COL6A6: variants seen among roughly 807,000 people sequenced by gnomAD.
COL6A6 encodes the protein collagen alpha-6(VI) chain.
A neutral mutation model predicts 208.6 loss-of-function variants in COL6A6; 183 were observed. The ratio of observed to expected loss-of-function variants is 0.88; its 90% CI spans 0.78 to 0.99. The LOEUF is 0.99. Ranked by LOEUF, COL6A6 falls within the 50% of genes least tolerant of loss-of-function variation. The probability of loss-of-function intolerance (pLI) is 0.00; values close to 1 mark genes in which losing one functional copy is unlikely to be tolerated. For missense variants in COL6A6, 2,816 were observed against 2,815.2 expected (o/e 1.00, Z -0.01); for synonymous variants, 973 against 1,011.8 (o/e 0.96, Z 0.73).
intron 1 of COL6A6, among the ~76,000 whole-genome samples, chr3:130,526,691 A>G (rs554527304): frequency 6.6e-6 from 1 of 152,238 alleles, no homozygotes; most frequent in South Asian, 2.1e-4. Context: ...TTGCTGATGG[A>G]TTGGCTCAGA....
At position 130,567,038 on chromosome 3, in the gene COL6A6, A is replaced by G. The variant is rs2063043184; in HGVS notation, c.1619A>G (p.His540Arg). Residue 540 changes from histidine (H) to arginine (R), a missense_variant, in exon 5 of 37, where the codon CAC becomes CGC. Coordinates refer to ENST00000358511, the MANE Select transcript of COL6A6 (RefSeq NM_001102608.3). ...CAGCGAGGAAACAAAGTTCCATGCCACCTTGTTGTCCTGACAAATGGCATG... is the reference window on the plus strand; with the variant it reads ...CAGCGAGGAAACAAAGTTCCATGCCGCCTTGTTGTCCTGACAAATGGCATG... ...KKQRGNKVPCHLVVLTNGMSK... is the reference protein window; with the variant it reads ...KKQRGNKVPCRLVVLTNGMSK... The G allele has an allele frequency of 1.2e-6, 2 of 1,614,064 alleles. No homozygotes were observed. The highest frequency in any genetic ancestry group is 1.1e-5 in the South Asian group (1 of 91,076).
At chr3:130,555,245 A>C (rs2062741349) in intron 1 of COL6A6, among the ~76,000 whole-genome samples, 1 of 152,096 alleles carries the variant, frequency 6.6e-6, no homozygotes, top group Non-Finnish European at 1.5e-5. Flanking sequence ...GGATTCCAGA[A>C]GTCTGTAATG....
At chr3:130,645,032 A>C (rs762246894) in intron 32 of COL6A6, 30 bp downstream of exon 32, 49 of 1,604,170 alleles carry the variant, frequency 3.1e-5, no homozygotes, top group Non-Finnish European at 4.0e-5. Context: ...AGCATGCTTT[A>C]ATCAAGCTCT....
chr3:130,639,551 C>T (rs531153256), intron 28 of COL6A6, among the ~76,000 whole-genome samples: 337 of 152,150 alleles, frequency 2.2e-3, no homozygotes, highest in African/African-American at 4.8e-3. Flanking sequence ...AAATTAGCCA[C>T]GCGTGGTGGC....
intron 20 of COL6A6, among the ~76,000 whole-genome samples, chr3:130,604,795 A>G (rs1036145421): frequency 2.0e-5 from 3 of 152,272 alleles, no homozygotes; most frequent in Non-Finnish European, 4.4e-5. Flanking sequence ...AAACATTGCG[A>G]CAGCAAGCCA....
At chr3:130,538,118 A>AATAT (rs1408364397) in intron 1 of COL6A6, among the ~76,000 whole-genome samples, 1 of 152,232 alleles carries the variant, frequency 6.6e-6, no homozygotes, top group Non-Finnish European at 1.5e-5. Flanking sequence ...ATAGTGGAAA[A>AATAT]AGCACTGGAC....
chr3:130,621,741 T>G (rs2064722687), intron 23 of COL6A6, 80 bp from the exon 24 acceptor site: 1 of 1,239,642 alleles, frequency 8.1e-7, no homozygotes, highest in South Asian at 1.3e-5. Context: ...TGTGGTTCAC[T>G]TTCCTCTTAT....
chr3:130,614,415 A>G (rs1380918350), intron 23 of COL6A6, among the ~76,000 whole-genome samples: 2 of 152,148 alleles, frequency 1.3e-5, no homozygotes, highest in Non-Finnish European at 2.9e-5. Context: ...CTTTGCTAGT[A>G]TTTTGTTGAT....
At position 130,581,993 on chromosome 3, in the gene COL6A6, G is replaced by T. The variant is rs768786332; in HGVS notation, c.3895G>T (p.Val1299Phe). Residue 1299 changes from valine (V) to phenylalanine (F), a missense_variant, in exon 10 of 37, where the codon GTC becomes TTC. Val to Phe is a conservative substitution (Grantham distance 50, BLOSUM62 -1). Transcript: ENST00000358511. ...CTTTTTTTGAATACTTTCTTAGGTG[G>T]TCCTTTTATTTTCAGATGGATTGGA... is the stretch of plus-strand genomic sequence containing the variant. The part of the protein sequence containing the change: ...QNKSAARGKV[V>F]LLFSDGLDDD... 1 of 1,608,172 alleles carries T rather than the reference G, an allele frequency of 6.2e-7. No individual in the cohort carries two copies. The highest frequency in any genetic ancestry group is 8.5e-7 in the Non-Finnish European group (1 of 1,177,130).
intron 8 of COL6A6, among the ~76,000 whole-genome samples, chr3:130,579,413 A>G (rs1195001506): frequency 6.6e-6 from 1 of 152,184 alleles, no homozygotes; most frequent in African/African-American, 2.4e-5. Context: ...GTAGTTTGGC[A>G]GTAACAGAAT....
intron 21 of COL6A6, among the ~76,000 whole-genome samples, chr3:130,608,106 C>T (rs1320560184): frequency 6.6e-6 from 1 of 152,138 alleles, no homozygotes; most frequent in Non-Finnish European, 1.5e-5. Context: ...CTAATCACCT[C>T]CTAAAGGCCC....
chr3:130,537,982 G>T (rs1021593907), intron 1 of COL6A6, among the ~76,000 whole-genome samples: 11 of 152,186 alleles, frequency 7.2e-5, no homozygotes, highest in African/African-American at 2.2e-4. Flanking sequence ...ACAACTTAAA[G>T]AAATTTCCAG....
chr3:130,627,468 C>A, intron 26 of COL6A6, 99 bp downstream of exon 26: 1 of 928,858 alleles, frequency 1.1e-6, no homozygotes, highest in Non-Finnish European at 1.8e-6. Flanking sequence ...GGGAATAAGG[C>A]AATCTTGGAC....
intron 29 of COL6A6, among the ~76,000 whole-genome samples, chr3:130,642,104 G>C (rs909167081): frequency 2.0e-5 from 3 of 151,990 alleles, no homozygotes; most frequent in Non-Finnish European, 2.9e-5. Flanking sequence ...CAGGAGGTCA[G>C]GGGGGGCTCT....
At position 130,543,889 on chromosome 3, in the gene COL6A6, TTTTG is replaced by T. The variant is rs200528420; in HGVS notation, c.-31-16440_-31-16437del. On this transcript the variant is annotated intron_variant, in intron 1 of 36. Transcript: ENST00000358511. Reference sequence around the variant, plus strand: ...AAGAAGGTCTACAAGTTATCTCAATTTTTGTTTGAGAAAGTATTTCTTCACTTTT... The same window carrying T: ...AAGAAGGTCTACAAGTTATCTCAATTTTTGAGAAAGTATTTCTTCACTTTT... Among the ~76,000 whole-genome samples the T allele has an allele frequency of 3.0e-3, 463 of 152,324 alleles. 3 individuals are homozygous for T. The highest frequency in any genetic ancestry group is 0.011 in the African/African-American group (440 of 41,572).
At chr3:130,546,151 C>A (rs2062489974) in intron 1 of COL6A6, among the ~76,000 whole-genome samples, 1 of 152,124 alleles carries the variant, frequency 6.6e-6, no homozygotes. Flanking sequence ...AAGCCCCGGA[C>A]CCTCGCGGTG....
rs1338531647 is a variant in COL6A6, at chr3:130,570,914, T to C, written c.2498T>C (p.Ile833Thr). ...TATAATATCATGAAGGATTTTATGA[T>C]TGGCTTAGTGAAAAAAGCTGATGTG... ...DEYNIMKDFMIGLVKKADVGK... is the reference protein window; with the variant it reads ...DEYNIMKDFMTGLVKKADVGK... Residue 833 changes from isoleucine (I) to threonine (T), a missense_variant, in exon 7 of 37, where the codon ATT becomes ACT. Transcript: ENST00000358511. 2 of 1,614,014 alleles carry C rather than the reference T, an allele frequency of 1.2e-6. No homozygotes were observed. The highest frequency in any genetic ancestry group is 2.7e-5 in the African/African-American group (2 of 75,052).
upstream of COL6A6, among the ~76,000 whole-genome samples, chr3:130,517,155 G>A (rs1202922233): frequency 6.6e-6 from 1 of 152,194 alleles, no homozygotes; most frequent in Non-Finnish European, 1.5e-5. Flanking sequence ...GCGTTTATAT[G>A]TCGGCGAGGG....
chr3:130,563,341 A>G lies in COL6A6; in HGVS notation c.338A>G (p.Glu113Gly). 1 of 1,613,992 alleles carries G rather than the reference A, an allele frequency of 6.2e-7. No homozygotes were observed. Among genetic ancestry groups the G allele is most frequent in the Non-Finnish European group, 8.5e-7 (1 of 1,179,878 alleles). ...CTGCAGATAGGAAAGGCTCTTCAGG[A>G]GGCTCACAGGACTTATTTCTCTGCA... ...GSLQIGKALQ[E>G]AHRTYFSAPA... Residue 113 changes from glutamate to glycine, a missense_variant, in exon 3 of 37, where the codon GAG becomes GGG. Transcript: ENST00000358511.
Sources: gnomAD v4.1 joint callset for allele counts (sites outside exome capture counted in the v4.1 genomes callset) on GRCh38, gnomAD v4.1.1 for gene constraint, MANE v1.5 for transcripts, NCBI Gene and HGNC (gene_info 2026-07-23, HGNC 2026-07-21) for gene names.